The following FRMD6 variants were observed in gnomAD, a reference collection of about 807,000 sequenced individuals.
FRMD6 encodes FERM domain containing 6, also known as FERM domain-containing protein 6.
FRMD6 carries 37 observed loss-of-function variants against 73.2 expected under a neutral mutation model. That is an observed-to-expected ratio of 0.51 (90% CI 0.39 to 0.66). FRMD6 has a LOEUF of 0.66. FRMD6 is among the 30% of genes least tolerant of loss of function. The pLI, the probability that FRMD6 is intolerant of heterozygous loss-of-function variation, is 0.00. For synonymous variants in FRMD6, 273 were observed against 282.2 expected (o/e 0.97, Z 0.33); for missense variants, 714 against 780.5 (o/e 0.91, Z 1.02).
chr14:51,422,624 T>A, the FRMD6 span, among the ~76,000 whole-genome samples: 1 of 152,238 alleles, frequency 6.6e-6, no homozygotes, highest in African/African-American at 2.4e-5. Flanking sequence ...TTTATTGCAA[T>A]AAAATTGATT....
intron 1 of FRMD6, among the ~76,000 whole-genome samples, chr14:51,673,383 C>T (rs1566552433): frequency 6.6e-6 from 1 of 152,060 alleles, no homozygotes; most frequent in Non-Finnish European, 1.5e-5. Flanking sequence ...TTCTGTGCTG[C>T]CCCCCAAATT....
At chr14:51,699,632 A>G (rs1896167817) in intron 3 of FRMD6, among the ~76,000 whole-genome samples, 1 of 152,080 alleles carries the variant, frequency 6.6e-6, no homozygotes, top group African/African-American at 2.4e-5. Context: ...TTTTCGCGTC[A>G]AATGGAAATT....
At chr14:51,692,112 C>T (rs1275729678) in intron 2 of FRMD6, among the ~76,000 whole-genome samples, 1 of 152,134 alleles carries the variant, frequency 6.6e-6, no homozygotes, top group African/African-American at 2.4e-5. Flanking sequence ...GAGGATCCAA[C>T]AGGCCTGCCT....
intron 2 of FRMD6, among the ~76,000 whole-genome samples, chr14:51,638,809 G>A (rs148534128): frequency 3.9e-5 from 6 of 152,296 alleles, no homozygotes; most frequent in African/African-American, 1.4e-4. Flanking sequence ...ATCCAACACT[G>A]CCCTATTGAC....
At chr14:51,456,201 T>C in the FRMD6 span, among the ~76,000 whole-genome samples, 1 of 152,200 alleles carries the variant, frequency 6.6e-6, no homozygotes, top group East Asian at 1.9e-4. Context: ...CTGCAGAACT[T>C]GCAACATTGT....
chr14:51,526,392 G>A (rs909693512), intron 1 of FRMD6, among the ~76,000 whole-genome samples: 4 of 152,094 alleles, frequency 2.6e-5, no homozygotes, highest in Non-Finnish European at 5.9e-5. Context: ...AGAAATACCA[G>A]GGAATTAATA....
At chr14:51,412,650 G>C in the FRMD6 span, among the ~76,000 whole-genome samples, 1 of 152,134 alleles carries the variant, frequency 6.6e-6, no homozygotes, top group South Asian at 2.1e-4. Context: ...AGGAGATCAA[G>C]ACCATCCTGG....
At chr14:51,722,464 G>A (rs1897682937) in intron 12 of FRMD6, among the ~76,000 whole-genome samples, 1 of 152,086 alleles carries the variant, frequency 6.6e-6, no homozygotes, top group African/African-American at 2.4e-5. Context: ...AATCCAACAT[G>A]GCTAGAAACA....
At chr14:51,409,340 C>CTTTTTT in the FRMD6 span, among the ~76,000 whole-genome samples, 1 of 84,138 alleles carries the variant, frequency 1.2e-5, no homozygotes, top group Admixed American at 1.5e-4. Flanking sequence ...AAGTTTTTTG[C>CTTTTTT]TTTTTTTTTT....
chr14:51,557,795 G>A (rs373408021), intron 1 of FRMD6, among the ~76,000 whole-genome samples: 3 of 151,934 alleles, frequency 2.0e-5, no homozygotes, highest in South Asian at 2.1e-4. Flanking sequence ...AACAGACACC[G>A]GGACCTACTT....
At chr14:51,668,455 A>C (rs923463462) in intron 1 of FRMD6, among the ~76,000 whole-genome samples, 2 of 151,858 alleles carry the variant, frequency 1.3e-5, no homozygotes, top group Admixed American at 6.6e-5. Context: ...ACAGGCATGC[A>C]CTACCATGCT....
In FRMD6 at chr14:51,572,962, T is replaced by A. The variant is rs191591391; in HGVS notation, c.-147+2552T>A. 5.6e-4 allele frequency among the ~76,000 whole-genome samples: 86 copies of A among 152,334 alleles called. 1 individual carries two copies. The highest frequency in any genetic ancestry group is 3.4e-3 in the Middle Eastern group (1 of 294). On this transcript the variant is annotated intron_variant, in intron 2 of 14. Coordinates refer to the FRMD6 transcript ENST00000356218. ...AGAGAGAAGACTAATTTTCTTCACA[T>A]TCTTAGGTTTTATCATATGATGCTT... is the stretch of plus-strand genomic sequence containing the variant.
At chr14:51,691,297 T>A (rs1342384253) in intron 2 of FRMD6, among the ~76,000 whole-genome samples, 7 of 152,224 alleles carry the variant, frequency 4.6e-5, no homozygotes, top group Non-Finnish European at 7.3e-5. Context: ...GTAAAACTGT[T>A]ATGAACATGT....
chr14:51,418,635 G>A, the FRMD6 span, among the ~76,000 whole-genome samples: 16 of 152,316 alleles, frequency 1.1e-4, no homozygotes, highest in African/African-American at 3.4e-4. Context: ...CGGGGGTCAC[G>A]GACCCACTTG....
chr14:51,707,773 A>C (rs537396027), intron 6 of FRMD6, among the ~76,000 whole-genome samples: 1 of 152,322 alleles, frequency 6.6e-6, no homozygotes, highest in African/African-American at 2.4e-5. Flanking sequence ...GTACAAAATT[A>C]TGAAAGTTTG....
chr14:51,485,829 T>C (rs1434126755), upstream of FRMD6, among the ~76,000 whole-genome samples: 1 of 152,102 alleles, frequency 6.6e-6, no homozygotes, highest in Non-Finnish European at 1.5e-5. Context: ...AAAAACCTTT[T>C]CAACAGGTTA....
the FRMD6 span, among the ~76,000 whole-genome samples, chr14:51,461,676 C>T: frequency 6.6e-6 from 1 of 152,198 alleles, no homozygotes; most frequent in Non-Finnish European, 1.5e-5. Context: ...AGGTGAGAAC[C>T]ATGTTTTCCT....
At chr14:51,713,086 C>T (rs1021809307) in intron 9 of FRMD6, among the ~76,000 whole-genome samples, 1 of 152,044 alleles carries the variant, frequency 6.6e-6, no homozygotes, top group Non-Finnish European at 1.5e-5. Flanking sequence ...CCAAGTATTT[C>T]TCTTTTGCCA....
chr14:51,722,208 C>T, intron 12 of FRMD6, 128 bp downstream of exon 12: 2 of 901,928 alleles, frequency 2.2e-6, no homozygotes, highest in South Asian at 3.4e-5. Context: ...CTAAGAGTCT[C>T]TTCAGGTCAG....
Sources: gnomAD v4.1 joint callset for allele counts (sites outside exome capture counted in the v4.1 genomes callset) on GRCh38, gnomAD v4.1.1 for gene constraint, MANE v1.5 for transcripts, NCBI Gene and HGNC (gene_info 2026-07-23, HGNC 2026-07-21) for gene names.